Variants in SPART observed in about 807,000 individuals in gnomAD.
The protein encoded by SPART is spartin.
SPART carries 35 observed loss-of-function variants against 58.7 expected under a neutral mutation model. The observed-to-expected ratio is 0.60, with a 90% CI of 0.46 to 0.79. The LOEUF (loss-of-function observed/expected upper bound fraction) is 0.79. Ranked by LOEUF, SPART falls within the 30% of genes least tolerant of loss-of-function variation. The probability of loss-of-function intolerance (pLI) is 0.00; values close to 1 mark genes in which losing one functional copy is unlikely to be tolerated. For synonymous variants in SPART, 284 were observed against 280.7 expected, an observed-to-expected ratio of 1.01 and a Z score of -0.12; for missense variants, 730 against 786.1, an observed-to-expected ratio of 0.93 and a Z score of 0.85.
chr13:36,324,363 G>A (rs1882704680), intron 5 of SPART, among the ~76,000 whole-genome samples: 1 of 152,160 alleles, frequency 6.6e-6, no homozygotes. Flanking sequence ...ATGCTAGGTG[G>A]AAGTCCAGCC....
chr13:36,306,811 T>C (rs1392729556), intron 8 of SPART, among the ~76,000 whole-genome samples: 2 of 152,230 alleles, frequency 1.3e-5, no homozygotes, highest in East Asian at 1.9e-4. Context: ...TAACTAGCCA[T>C]ATGACCTTGG....
At chr13:36,321,660 T>A (rs184376706) in intron 5 of SPART, among the ~76,000 whole-genome samples, 3 of 151,160 alleles carry the variant, frequency 2.0e-5, no homozygotes, top group African/African-American at 7.3e-5. Context: ...TCTCTCCATA[T>A]CACCCCCCAA....
upstream of SPART, among the ~76,000 whole-genome samples, chr13:36,349,021 T>C (rs1223713404): frequency 2.0e-5 from 3 of 152,118 alleles, no homozygotes; most frequent in Admixed American, 6.5e-5. Context: ...CCCAGCACTT[T>C]GGGAGGCCGA....
At chr13:36,341,509 C>T (rs764045658) in intron 1 of SPART, among the ~76,000 whole-genome samples, 1 of 152,148 alleles carries the variant, frequency 6.6e-6, no homozygotes, top group African/African-American at 2.4e-5. Context: ...TTCCAACTAA[C>T]CCCATTGCAA....
At chr13:36,315,928 G>T (rs767020904) in intron 5 of SPART, among the ~76,000 whole-genome samples, 29 of 152,240 alleles carry the variant, frequency 1.9e-4, no homozygotes, top group Middle Eastern at 6.8e-3. Context: ...CTAATAAAGA[G>T]AAATATTAGA....
chr13:36,332,715 T>C (rs1593259451), intron 2 of SPART, among the ~76,000 whole-genome samples: 1 of 152,336 alleles, frequency 6.6e-6, no homozygotes, highest in African/African-American at 2.4e-5. Flanking sequence ...TACACAGACA[T>C]AAGCTCACAT....
chr13:36,361,964 C>T (rs1481735556), intron 1 of SPART, among the ~76,000 whole-genome samples: 1 of 152,150 alleles, frequency 6.6e-6, no homozygotes, highest in Non-Finnish European at 1.5e-5. Context: ...TGTCAGCATG[C>T]TGTGCAAAAA....
At position 36,303,921 on chromosome 13, in the gene SPART, T is replaced by G. The variant is rs1187054384; in HGVS notation, c.*444A>C. 6.3e-6 allele frequency: 1 copy of G among 160,000 alleles called. No homozygotes were observed. The highest frequency in any genetic ancestry group is 2.4e-5 in the African/African-American group (1 of 41,490). The allele number at this position is 160,000 out of a possible 1,614,324, so 9.9% of individuals were successfully genotyped here. ...AGAAGCATCTAAAAAAATCCACAATTAGTGCAAAAAGAGGGGACAATACTT... is the reference window on the plus strand; with the variant it reads ...AGAAGCATCTAAAAAAATCCACAATGAGTGCAAAAAGAGGGGACAATACTT... On this transcript the variant is annotated 3_prime_UTR_variant, in exon 9 of 9. Coordinates refer to ENST00000438666, the MANE Select transcript of SPART (RefSeq NM_015087.5).
At chr13:36,365,973 T>C in intron 1 of SPART, 1 of 173,680 alleles carries the variant, frequency 5.8e-6, no homozygotes. Context: ...TTACCATTTC[T>C]CACCTGGATT....
rs1881220069 is a variant in SPART at position 36,312,395 on chromosome 13, T to C, written c.1566A>G (p.Pro522=). ...CATCTTTGTCTTTTTTAAGAGATTC[T>C]GGAACAAGTTTGCTTCCATGCTTCT... The part of the protein sequence containing the change: ...HVKKHGSKLV[P]ESLKKDKDGK... Residue 522 remains proline, a synonymous_variant, in exon 7 of 9, where the codon CCA becomes CCG. Transcript: ENST00000438666. The C allele has an allele frequency of 6.2e-7, 1 of 1,614,204 alleles. No individual in the cohort carries two copies. Among genetic ancestry groups the C allele is most frequent in the East Asian group, 2.2e-5 (1 of 44,862 alleles).
upstream of SPART, chr13:36,346,585 C>A (rs1405894686): frequency 6.6e-6 from 1 of 152,338 alleles, no homozygotes; most frequent in African/African-American, 2.4e-5. Flanking sequence ...CTCTGACCTT[C>A]TAAATGGTAC....
At chr13:36,354,813 C>G (rs184374402) in intron 1 of SPART, among the ~76,000 whole-genome samples, 1 of 152,308 alleles carries the variant, frequency 6.6e-6, no homozygotes, top group Non-Finnish European at 1.5e-5. Flanking sequence ...AACTGTATGC[C>G]TTCTTTACAG....
chr13:36,317,029 C>T (rs1282145155), intron 5 of SPART, among the ~76,000 whole-genome samples: 1 of 152,132 alleles, frequency 6.6e-6, no homozygotes, highest in Non-Finnish European at 1.5e-5. Context: ...ATTTCAATTC[C>T]TTTCATTTTC....
At chr13:36,354,419 C>A (rs1885540991) in intron 1 of SPART, among the ~76,000 whole-genome samples, 1 of 152,142 alleles carries the variant, frequency 6.6e-6, no homozygotes, top group Non-Finnish European at 1.5e-5. Context: ...ATGCCTTTTG[C>A]CTGTGGGAGC....
chr13:36,352,102 A>T (rs1284434534), intron 1 of SPART, among the ~76,000 whole-genome samples: 1 of 152,206 alleles, frequency 6.6e-6, no homozygotes, highest in Non-Finnish European at 1.5e-5. Context: ...TAATGTTTTA[A>T]TAATGTTCTA....
intron 1 of SPART, among the ~76,000 whole-genome samples, chr13:36,369,822 T>C (rs1006982514): frequency 6.6e-6 from 1 of 152,218 alleles, no homozygotes; most frequent in Admixed American, 6.5e-5. Flanking sequence ...AACTCCACAC[T>C]GTAGGAAGAG....
At chr13:36,344,152 G>A (rs9531841) in intron 1 of SPART, among the ~76,000 whole-genome samples, 37,908 of 152,012 alleles carry the variant, frequency 0.25, 5,241 homozygotes, top group East Asian at 0.51. Flanking sequence ...AGTGAGGGAG[G>A]GGTGAAGAAA....
chr13:36,320,177 C>T (rs1170689108), intron 5 of SPART, among the ~76,000 whole-genome samples: 1 of 152,122 alleles, frequency 6.6e-6, no homozygotes, highest in Admixed American at 6.6e-5. Flanking sequence ...TCATAACTTC[C>T]AAAATCCATT....
At position 36,312,507 on chromosome 13, in the gene SPART, G is replaced by A. The variant is rs774996633; in HGVS notation, c.1484-30C>T. The A allele has an allele frequency of 5.6e-6, 9 of 1,607,240 alleles. No homozygotes were observed. In the East Asian group the frequency reaches 1.3e-4, roughly 24 times the overall value. On this transcript the variant is annotated intron_variant, in intron 6 of 8. Transcript: ENST00000438666. Reference sequence around the variant, plus strand: ...TATGACCATAAAAAAAGAAAACTTAGGAAAAATATATTATTCCCTTGATTT... The same window carrying A: ...TATGACCATAAAAAAAGAAAACTTAAGAAAAATATATTATTCCCTTGATTT...
Sources: gnomAD v4.1 joint callset for allele counts (sites outside exome capture counted in the v4.1 genomes callset) on GRCh38, gnomAD v4.1.1 for gene constraint, MANE v1.5 for transcripts, NCBI Gene and HGNC (gene_info 2026-07-23, HGNC 2026-07-21) for gene names.